PDGFD: variants seen among roughly 807,000 people sequenced by gnomAD.
The protein encoded by PDGFD is platelet-derived growth factor D.
PDGFD carries 30 observed loss-of-function variants against 44.7 expected under a neutral mutation model. The ratio of observed to expected loss-of-function variants is 0.67; its 90% CI spans 0.50 to 0.91. The LOEUF is 0.91. PDGFD is among the 40% of genes least tolerant of loss of function. The probability of loss-of-function intolerance (pLI) is 0.00; values close to 1 mark genes in which losing one functional copy is unlikely to be tolerated. For synonymous variants in PDGFD, 173 were observed against 168.4 expected (o/e 1.03, Z -0.21); for missense variants, 445 against 457.8 (o/e 0.97, Z 0.25).
rs751185406 is a variant in PDGFD at position 103,926,949 on chromosome 11, G to A, written c.950C>T (p.Thr317Ile). The A allele has an allele frequency of 1.9e-6, 3 of 1,614,042 alleles. No individual in the cohort carries two copies. The highest frequency in any genetic ancestry group is 8.5e-7 in the Non-Finnish European group (1 of 1,180,024). ...GCGTVNWRSC[T>I]CNSGKTVKKY... ...TTTCACGGTTTTCCCTGAATTGCATGTGCAGGACCTCCAGTTGACAGTTCC... is the reference window on the plus strand; with the variant it reads ...TTTCACGGTTTTCCCTGAATTGCATATGCAGGACCTCCAGTTGACAGTTCC... Residue 317 changes from threonine to isoleucine, a missense_variant, in exon 6 of 7, where the codon ACA (threonine) becomes ATA (isoleucine). Thr to Ile is a moderately conservative substitution (Grantham distance 89, BLOSUM62 -1). Coordinates refer to ENST00000393158, the MANE Select transcript of PDGFD (RefSeq NM_025208.5).
At chr11:103,929,140 T>C (rs535315550) in intron 5 of PDGFD, among the ~76,000 whole-genome samples, 1 of 152,350 alleles carries the variant, frequency 6.6e-6, no homozygotes, top group South Asian at 2.1e-4. Flanking sequence ...CAGATATGAC[T>C]ACATTTAGTT....
At chr11:103,940,915 G>A (rs1232679654) in intron 5 of PDGFD, among the ~76,000 whole-genome samples, 3 of 152,066 alleles carry the variant, frequency 2.0e-5, no homozygotes, top group African/African-American at 7.2e-5. Flanking sequence ...GGTTATTTCG[G>A]TAACCAAAGA....
intron 2 of PDGFD, 106 bp downstream of exon 2, chr11:103,999,945 G>T: frequency 1.1e-6 from 1 of 943,742 alleles, no homozygotes; most frequent in Non-Finnish European, 1.6e-6. Context: ...ACACATGTTG[G>T]GTCCATTTAA....
intron 1 of PDGFD, among the ~76,000 whole-genome samples, chr11:104,150,541 C>T (rs1211809082): frequency 6.6e-6 from 1 of 152,130 alleles, no homozygotes; most frequent in African/African-American, 2.4e-5. Flanking sequence ...AAACAACACA[C>T]ATTATTATCT....
intron 1 of PDGFD, among the ~76,000 whole-genome samples, chr11:104,080,905 G>A (rs1039500909): frequency 1.3e-5 from 2 of 152,150 alleles, no homozygotes; most frequent in African/African-American, 4.8e-5. Context: ...GAAAAACAGA[G>A]GCCTCCAGTC....
At chr11:103,936,833 T>G (rs1275031723) in intron 5 of PDGFD, among the ~76,000 whole-genome samples, 1 of 151,640 alleles carries the variant, frequency 6.6e-6, no homozygotes, top group African/African-American at 2.4e-5. Flanking sequence ...GTTTTTTGTT[T>G]TTTTTTTTTA....
intron 1 of PDGFD, among the ~76,000 whole-genome samples, chr11:104,086,900 C>T (rs361279): frequency 6.6e-6 from 1 of 151,970 alleles, no homozygotes; most frequent in Non-Finnish European, 1.5e-5. Context: ...TTAGAGTCTA[C>T]GTCTTTCAAG....
At chr11:103,980,681 T>C (rs1454284368) in intron 3 of PDGFD, among the ~76,000 whole-genome samples, 2 of 152,032 alleles carry the variant, frequency 1.3e-5, no homozygotes, top group African/African-American at 2.4e-5. Context: ...CCAAAATTGA[T>C]ACCTTGAAAT....
chr11:103,947,838 T>C (rs1255867011), intron 3 of PDGFD, 114 bp from the exon 4 acceptor site: 1 of 770,676 alleles, frequency 1.3e-6, no homozygotes, highest in Non-Finnish European at 2.3e-6. Context: ...ACAACAGACA[T>C]AGGGCTATAT....
intron 3 of PDGFD, among the ~76,000 whole-genome samples, chr11:103,991,869 GCCATTAGT>G (rs1468670963): frequency 1.3e-5 from 2 of 152,274 alleles, no homozygotes; most frequent in East Asian, 1.9e-4. Context: ...ATGAAACTGA[GCCATTAGT>G]CAGTATGCAG....
chr11:104,163,391 G>A (rs1285607224), intron 1 of PDGFD, among the ~76,000 whole-genome samples: 1 of 151,958 alleles, frequency 6.6e-6, no homozygotes, highest in African/African-American at 2.4e-5. Context: ...TTAAATAAAC[G>A]TCTATCACCC....
chr11:104,140,498 A>G (rs1419096085), intron 1 of PDGFD, among the ~76,000 whole-genome samples: 2 of 145,924 alleles, frequency 1.4e-5, no homozygotes, highest in Non-Finnish European at 1.5e-5. Flanking sequence ...TCTTTTAAAC[A>G]CAGGGAAACA....
intron 1 of PDGFD, among the ~76,000 whole-genome samples, chr11:104,123,305 CT>C (rs1308897830): frequency 6.6e-6 from 1 of 151,720 alleles, no homozygotes; most frequent in Non-Finnish European, 1.5e-5. Context: ...TGTCATTTTT[CT>C]TTTTTTTCTA....
intron 1 of PDGFD, among the ~76,000 whole-genome samples, chr11:104,068,946 T>C (rs1034460457): frequency 9.2e-5 from 14 of 152,188 alleles, no homozygotes; most frequent in African/African-American, 3.4e-4. Flanking sequence ...AGCAATTCTT[T>C]TGCACACCAT....
At chr11:104,099,420 G>A (rs938162173) in intron 1 of PDGFD, among the ~76,000 whole-genome samples, 6 of 151,916 alleles carry the variant, frequency 3.9e-5, no homozygotes, top group Admixed American at 1.3e-4. Context: ...CAGGCGGATC[G>A]TTTGAGCCCA....
rs532563068 is a variant in PDGFD at position 104,056,643 on chromosome 11, T to G, written c.125-56388A>C. Among the ~76,000 whole-genome samples the G allele has an allele frequency of 5.9e-5, 9 of 152,208 alleles. No individual in the cohort carries two copies. The South Asian group carries it at 1.9e-3, about 32-fold the overall frequency. On this transcript the variant is annotated intron_variant, in intron 1 of 6. Coordinates refer to ENST00000393158, the MANE Select transcript of PDGFD (RefSeq NM_025208.5). ...AAGGAACAGATTCTGCCTCAGAGCCTCCAAAACAACACAACCCTACCAACA... is the reference window on the plus strand; with the variant it reads ...AAGGAACAGATTCTGCCTCAGAGCCGCCAAAACAACACAACCCTACCAACA...
At chr11:104,010,770 G>C (rs890060284) in intron 1 of PDGFD, among the ~76,000 whole-genome samples, 1 of 151,998 alleles carries the variant, frequency 6.6e-6, no homozygotes, top group Non-Finnish European at 1.5e-5. Context: ...TACATGTAAA[G>C]AATGTGAAAA....
intron 1 of PDGFD, among the ~76,000 whole-genome samples, chr11:104,093,766 CCTT>C (rs1388200995): frequency 1.3e-5 from 2 of 151,580 alleles, no homozygotes; most frequent in African/African-American, 4.9e-5. Context: ...CCCACCTTCT[CCTT>C]CTCCTTTCCT....
intron 1 of PDGFD, among the ~76,000 whole-genome samples, chr11:104,077,725 GA>G (rs138656891): frequency 0.27 from 40,512 of 149,802 alleles, 5,524 homozygotes; most frequent in Non-Finnish European, 0.28. Flanking sequence ...GCATAGCACA[GA>G]AAAAAAAAAC....
Sources: gnomAD v4.1 joint callset for allele counts (sites outside exome capture counted in the v4.1 genomes callset) on GRCh38, gnomAD v4.1.1 for gene constraint, MANE v1.5 for transcripts, NCBI Gene and HGNC (gene_info 2026-07-23, HGNC 2026-07-21) for gene names.